Variants in RBFOX1 observed in about 807,000 individuals in gnomAD.
RBFOX1 encodes RNA binding protein fox-1 homolog 1.
Under a neutral mutation model 57.7 loss-of-function variants are expected in RBFOX1, and 8 were observed. The ratio of observed to expected loss-of-function variants is 0.14; its 90% CI spans 0.08 to 0.25. The LOEUF (loss-of-function observed/expected upper bound fraction) is 0.25. Among genes scored for constraint, RBFOX1 ranks in the 10% least tolerant of loss-of-function variants. The pLI is 1.00. For synonymous variants in RBFOX1, 326 were observed against 222.4 expected (o/e 1.47, Z -4.15); for missense variants, 611 against 548.5 (o/e 1.11, Z -1.14).
At chr16:6,435,101 C>A (rs1031957258) in intron 2 of RBFOX1, among the ~76,000 whole-genome samples, 1 of 152,158 alleles carries the variant, frequency 6.6e-6, no homozygotes, top group African/African-American at 2.4e-5. Flanking sequence ...ATTAGTCAGT[C>A]GAAGTGTCTA....
At chr16:6,600,030 G>C (rs1045782605) in intron 2 of RBFOX1, among the ~76,000 whole-genome samples, 3 of 152,204 alleles carry the variant, frequency 2.0e-5, no homozygotes, top group African/African-American at 7.2e-5. Context: ...ACTGCAAAGG[G>C]CATCTGGGTG....
chr16:6,898,092 G>T (rs1460253282), intron 3 of RBFOX1, among the ~76,000 whole-genome samples: 1 of 152,178 alleles, frequency 6.6e-6, no homozygotes, highest in Non-Finnish European at 1.5e-5. Context: ...AAGAAATGAG[G>T]TGAACCGAGT....
intron 5 of RBFOX1, among the ~76,000 whole-genome samples, chr16:7,565,821 C>T (rs984492302): frequency 1.3e-5 from 2 of 151,998 alleles, no homozygotes; most frequent in African/African-American, 2.4e-5. Context: ...GGGGAGGAAG[C>T]CTGTAGGAAA....
intron 4 of RBFOX1, among the ~76,000 whole-genome samples, chr16:7,363,262 A>G (rs2097365452): frequency 6.6e-6 from 1 of 151,988 alleles, no homozygotes; most frequent in Admixed American, 6.6e-5. Context: ...GCGGGGGGAA[A>G]ACCTCCAGAT....
At chr16:7,336,116 G>C (rs967806343) in intron 4 of RBFOX1, among the ~76,000 whole-genome samples, 1 of 152,210 alleles carries the variant, frequency 6.6e-6, no homozygotes, top group African/African-American at 2.4e-5. Flanking sequence ...TGAATGATCA[G>C]TGAATTGTCT....
chr16:6,952,428 C>T (rs552609111), intron 3 of RBFOX1, among the ~76,000 whole-genome samples: 140 of 152,238 alleles, frequency 9.2e-4, no homozygotes, highest in African/African-American at 3.2e-3. Context: ...AGGAGGATTG[C>T]TTGAGCCCAG....
intron 3 of RBFOX1, among the ~76,000 whole-genome samples, chr16:6,946,548 A>T (rs56202484): frequency 0.11 from 16,929 of 152,154 alleles, 1,162 homozygotes; most frequent in East Asian, 0.15. Context: ...ACCTTCTTTC[A>T]TAAAAGCTTC....
chr16:7,027,388 C>G (rs1463004720), intron 3 of RBFOX1, among the ~76,000 whole-genome samples: 2 of 152,096 alleles, frequency 1.3e-5, no homozygotes, highest in African/African-American at 4.8e-5. Context: ...TCATAGATGC[C>G]TAACAAAAAC....
At chr16:7,443,899 G>T (rs1284645410) in intron 4 of RBFOX1, among the ~76,000 whole-genome samples, 2 of 152,164 alleles carry the variant, frequency 1.3e-5, no homozygotes, top group African/African-American at 4.8e-5. Flanking sequence ...CTACAATAGG[G>T]CACTACTGAT....
chr16:6,584,459 C>G (rs2097578819), intron 2 of RBFOX1, among the ~76,000 whole-genome samples: 1 of 151,640 alleles, frequency 6.6e-6, no homozygotes, highest in Non-Finnish European at 1.5e-5. Flanking sequence ...CCTCTGCCTC[C>G]TGGGTTCCAG....
At chr16:5,909,485 CGTCA>C (rs1241386099) in intron 4 of RBFOX1, among the ~76,000 whole-genome samples, 2 of 152,174 alleles carry the variant, frequency 1.3e-5, no homozygotes, top group Non-Finnish European at 2.9e-5. Context: ...AAGGGCCTCC[CGTCA>C]GTCAGTCCTC....
intron 3 of RBFOX1, among the ~76,000 whole-genome samples, chr16:6,892,006 G>GGC (rs2065551151): frequency 6.6e-6 from 1 of 152,114 alleles, no homozygotes. Context: ...CTGCAAAAAA[G>GGC]AATCTTCTGT....
intron 4 of RBFOX1, among the ~76,000 whole-genome samples, chr16:7,270,077 C>G (rs564563305): frequency 6.6e-6 from 1 of 152,334 alleles, no homozygotes; most frequent in African/African-American, 2.4e-5. Flanking sequence ...GTAGATACTA[C>G]TGTCCTCATT....
At chr16:6,869,285 A>T (rs1470451266) in intron 3 of RBFOX1, among the ~76,000 whole-genome samples, 1 of 152,166 alleles carries the variant, frequency 6.6e-6, no homozygotes, top group East Asian at 1.9e-4. Context: ...GAACCTTATC[A>T]AGTAAATACT....
intron 2 of RBFOX1, among the ~76,000 whole-genome samples, chr16:6,363,222 T>C (rs1238727329): frequency 1.3e-5 from 2 of 152,220 alleles, no homozygotes; most frequent in African/African-American, 4.8e-5. Flanking sequence ...AAGACTTTTT[T>C]TCTATAATGT....
chr16:7,121,840 C>T (rs538989359), intron 4 of RBFOX1, among the ~76,000 whole-genome samples: 9 of 152,008 alleles, frequency 5.9e-5, no homozygotes, highest in Admixed American at 1.3e-4. Flanking sequence ...ACACATTAAT[C>T]AACTGGACAA....
intron 2 of RBFOX1, among the ~76,000 whole-genome samples, chr16:5,571,878 C>G (rs2046295830): frequency 6.6e-6 from 1 of 152,236 alleles, no homozygotes; most frequent in African/African-American, 2.4e-5. Flanking sequence ...GTTCAGTCCA[C>G]CAAGGTCCGT....
chr16:5,789,042 A>T (rs907396864), intron 3 of RBFOX1, among the ~76,000 whole-genome samples: 2 of 152,102 alleles, frequency 1.3e-5, no homozygotes, highest in African/African-American at 4.8e-5. Flanking sequence ...ACTAGTGAAA[A>T]GTTTGAATGT....
At chr16:7,402,528 C>G (rs1482604450) in intron 4 of RBFOX1, among the ~76,000 whole-genome samples, 1 of 152,160 alleles carries the variant, frequency 6.6e-6, no homozygotes, top group African/African-American at 2.4e-5. Flanking sequence ...AGGAGGTCAT[C>G]GTTGGGAACA....
Sources: allele counts gnomAD v4.1 joint callset (sites outside exome capture counted in the v4.1 genomes callset), GRCh38; gene constraint gnomAD v4.1.1; transcripts MANE v1.5; gene names NCBI Gene and HGNC (gene_info 2026-07-23, HGNC 2026-07-21).